Variants in PTPRJ observed in about 807,000 individuals in gnomAD.
PTPRJ encodes the protein receptor-type tyrosine-protein phosphatase eta.
PTPRJ carries 129 observed loss-of-function variants against 141.3 expected under a neutral mutation model. The observed-to-expected ratio is 0.91, with a 90% CI of 0.79 to 1.06. The LOEUF (loss-of-function observed/expected upper bound fraction) is 1.06, where lower values mean the gene tolerates loss of function less well. Among genes scored for constraint, PTPRJ ranks in the 50% least tolerant of loss-of-function variants. PTPRJ has a pLI of 0.00. For synonymous variants in PTPRJ, 610 were observed against 640.5 expected (o/e 0.95, Z 0.72); for missense variants, 1,601 against 1,679.7 (o/e 0.95, Z 0.82).
In PTPRJ at chr11:48,098,809, G is replaced by A. The variant is rs1856081698; in HGVS notation, c.97-11249G>A. ...GCTGGGATTACAGGCGTGAGCCACC[G>A]CGCCCGGCCTTTATCTCTTAAATAA... On this transcript the variant is annotated intron_variant, in intron 1 of 24. Coordinates refer to ENST00000418331, the MANE Select transcript of PTPRJ (RefSeq NM_002843.4). Among the ~76,000 whole-genome samples the A allele has an allele frequency of 1.3e-4, 2 of 15,928 alleles. 1 individual carries two copies. The highest frequency in any genetic ancestry group is 1.8e-4 in the African/African-American group (2 of 11,052). 10.4% of individuals were successfully genotyped at this position (15,928 alleles called of 152,430 possible). A position where few individuals can be genotyped will look rare whatever the true frequency, so the allele number is the denominator to read the frequency against.
At chr11:47,989,548 G>A (rs950270456) in intron 1 of PTPRJ, among the ~76,000 whole-genome samples, 3 of 151,658 alleles carry the variant, frequency 2.0e-5, no homozygotes, top group African/African-American at 7.3e-5. Flanking sequence ...AAAGTGCTGA[G>A]ATTACAGGCG....
intron 2 of PTPRJ, among the ~76,000 whole-genome samples, chr11:48,110,828 A>G (rs1274212569): frequency 1.3e-5 from 2 of 152,236 alleles, no homozygotes; most frequent in Non-Finnish European, 2.9e-5. Flanking sequence ...GCTGAGTCCC[A>G]ACTGCTGACA....
At chr11:48,163,067 G>A (rs967867391) in intron 22 of PTPRJ, among the ~76,000 whole-genome samples, 4 of 152,140 alleles carry the variant, frequency 2.6e-5, no homozygotes, top group Admixed American at 1.3e-4. Flanking sequence ...GGGGGGCTCG[G>A]GGATGGGGCT....
At chr11:47,981,913 G>T (rs1235482232) in intron 1 of PTPRJ, among the ~76,000 whole-genome samples, 1 of 152,190 alleles carries the variant, frequency 6.6e-6, no homozygotes, top group African/African-American at 2.4e-5. Flanking sequence ...AGCCTGTTGG[G>T]GTTTGAACCC....
At chr11:48,160,418 C>T (rs183204617) in intron 22 of PTPRJ, among the ~76,000 whole-genome samples, 1 of 152,286 alleles carries the variant, frequency 6.6e-6, no homozygotes, top group Admixed American at 6.5e-5. Context: ...GGAGCGGCCA[C>T]TTGCTGTTAG....
intron 1 of PTPRJ, among the ~76,000 whole-genome samples, chr11:48,041,667 C>T (rs1388445525): frequency 6.6e-6 from 1 of 152,084 alleles, no homozygotes; most frequent in East Asian, 1.9e-4. Context: ...CTTTGTCACC[C>T]AGGCTGGAGT....
At position 48,123,648 on chromosome 11, in the gene PTPRJ, A is replaced by C; in HGVS notation, c.652A>C (p.Thr218Pro). Residue 218 changes from threonine to proline, a missense_variant, in exon 5 of 25, where the codon ACG (threonine) becomes CCG (proline). By Grantham distance (38) the Thr-to-Pro change is conservative. Coordinates refer to ENST00000418331, the MANE Select transcript of PTPRJ (RefSeq NM_002843.4). ...AGTTTCTGATCTCCGTGTTGCCCTC[A>C]CGGGTGTGAGGAAGGCTGCTCTCTC... ...IPVSDLRVAL[T>P]GVRKAALSWS... 6.2e-7 allele frequency: 1 copy of C among 1,614,096 alleles called. No individual in the cohort carries two copies. The highest frequency in any genetic ancestry group is 8.5e-7 in the Non-Finnish European group (1 of 1,179,998).
intron 15 of PTPRJ, among the ~76,000 whole-genome samples, chr11:48,148,607 T>C (rs1253128850): frequency 6.6e-6 from 1 of 152,160 alleles, no homozygotes; most frequent in East Asian, 1.9e-4. Context: ...CTGGCTATTT[T>C]TTTTGTATTT....
In PTPRJ at chr11:48,130,513, G is replaced by T. The variant is rs752659691; in HGVS notation, c.1412G>T (p.Gly471Val). 18 of 1,613,896 alleles carry T rather than the reference G, an allele frequency of 1.1e-5. 1 individual carries two copies. The Middle Eastern group carries it at 1.5e-3, about 133-fold the overall frequency. The change falls in exon 8 of 25, where the codon GGC becomes GTC. Residue 471 changes from glycine to valine, a missense_variant. Gly to Val is a moderately radical substitution (Grantham distance 109, BLOSUM62 -3). Coordinates refer to ENST00000418331, the MANE Select transcript of PTPRJ (RefSeq NM_002843.4). ...ACAGTGGTCAGCACGACGGAGATCG[G>T]CTTAGCATGGAGCAGCCATGATGCA... ...RVTVVSTTEI[G>V]LAWSSHDAES...
intron 1 of PTPRJ, among the ~76,000 whole-genome samples, chr11:48,084,157 T>C (rs939769525): frequency 1.3e-5 from 2 of 152,016 alleles, no homozygotes; most frequent in Admixed American, 6.6e-5. Context: ...ATCTAGTTTT[T>C]TGTTGTTGTT....
chr11:48,015,344 C>T (rs1854922638), intron 1 of PTPRJ, among the ~76,000 whole-genome samples: 1 of 151,716 alleles, frequency 6.6e-6, no homozygotes, highest in African/African-American at 2.4e-5. Flanking sequence ...TACTAAGCAC[C>T]TGAGAGCTAG....
chr11:48,060,057 G>C (rs1353345581), intron 1 of PTPRJ, among the ~76,000 whole-genome samples: 1 of 152,154 alleles, frequency 6.6e-6, no homozygotes, highest in African/African-American at 2.4e-5. Context: ...AACTCCCCTG[G>C]TAAACGGAGT....
chr11:48,159,790 G>A lies in PTPRJ; in HGVS notation c.3439-140G>A, dbSNP rs1269841504. ...TCTATAAAATAAAATAAAAAAATTCGAAGGGTCAAACAAAACCCAACTAGA... is the reference window on the plus strand; with the variant it reads ...TCTATAAAATAAAATAAAAAAATTCAAAGGGTCAAACAAAACCCAACTAGA... On this transcript the variant is annotated intron_variant, in intron 21 of 24. Coordinates refer to ENST00000418331, the MANE Select transcript of PTPRJ (RefSeq NM_002843.4). The A allele has an allele frequency of 9.5e-6, 10 of 1,048,836 alleles. No individual in the cohort carries two copies. In the African/African-American group the frequency reaches 9.7e-5, roughly 10 times the overall value. The allele number at this position is 1,048,836 out of a possible 1,614,324, so 65.0% of individuals were successfully genotyped here.
chr11:48,003,472 T>TA (rs111264523), intron 1 of PTPRJ, among the ~76,000 whole-genome samples: 34 of 148,846 alleles, frequency 2.3e-4, no homozygotes, highest in East Asian at 3.9e-4. Context: ...GTATTATCAT[T>TA]AAAAAAAAAA....
chr11:48,139,524 C>T lies in PTPRJ; in HGVS notation c.2191C>T (p.Pro731Ser), dbSNP rs557637223. 1.2e-5 allele frequency: 19 copies of T among 1,614,172 alleles called. No individual in the cohort carries two copies. The South Asian group carries it at 1.8e-4, about 15-fold the overall frequency. ...GGCCTCCTTCGACTGCGAAGTGGTC[C>T]CCAAAGAGCCAGCCCTGGTTCTCAA... is the stretch of plus-strand genomic sequence containing the variant. ...SMASFDCEVV[P>S]KEPALVLKWT... Residue 731 changes from proline (P) to serine (S), a missense_variant, in exon 11 of 25, where the codon CCC becomes TCC. Transcript: ENST00000418331.
intron 6 of PTPRJ, among the ~76,000 whole-genome samples, chr11:48,127,471 C>T (rs1236276526): frequency 6.6e-6 from 1 of 152,172 alleles, no homozygotes; most frequent in Non-Finnish European, 1.5e-5. Flanking sequence ...TTTCTGGGTG[C>T]CCCTGGCCCT....
At chr11:48,025,887 T>C (rs1053473836) in intron 1 of PTPRJ, among the ~76,000 whole-genome samples, 86 of 152,208 alleles carry the variant, frequency 5.7e-4, no homozygotes, top group African/African-American at 1.7e-3. Flanking sequence ...TCCCAAGACA[T>C]GCTGCACTTT....
At position 48,155,682 on chromosome 11, in the gene PTPRJ, T is replaced by A. The variant is rs745973084; in HGVS notation, c.3230-119T>A. 30 of 772,656 alleles carry A rather than the reference T, an allele frequency of 3.9e-5. No homozygotes were observed. In the South Asian group the frequency reaches 5.5e-4, roughly 14 times the overall value. The allele number at this position is 772,656 out of a possible 1,614,324, so 47.9% of individuals were successfully genotyped here. On this transcript the variant is annotated intron_variant, in intron 19 of 24. Transcript: ENST00000418331. The stretch of plus-strand genomic sequence containing the variant: ...TCTATATGAAATGCCACACTGTGCA[T>A]CTTCAAAGACACAAGTCCCAGTTTT...
intron 2 of PTPRJ, 122 bp downstream of exon 2, chr11:48,110,198 CTT>C: frequency 9.1e-7 from 1 of 1,104,656 alleles, no homozygotes. Context: ...TCCAATTTTT[CTT>C]TTTCTTTTTC....
Sources: allele counts gnomAD v4.1 joint callset (sites outside exome capture counted in the v4.1 genomes callset), GRCh38; gene constraint gnomAD v4.1.1; transcripts MANE v1.5; gene names NCBI Gene and HGNC (gene_info 2026-07-23, HGNC 2026-07-21).